The following UNC5C variants were observed in gnomAD, a reference collection of about 807,000 sequenced individuals.
UNC5C encodes the protein unc-5 netrin receptor C.
UNC5C carries 47 observed loss-of-function variants against 99.8 expected under a neutral mutation model. That is an observed-to-expected ratio of 0.47 (90% CI 0.37 to 0.60). The LOEUF (loss-of-function observed/expected upper bound fraction) is 0.60, where lower values mean the gene tolerates loss of function less well. Ranked by LOEUF, UNC5C falls within the 20% of genes least tolerant of loss-of-function variation. The pLI, the probability that UNC5C is intolerant of heterozygous loss-of-function variation, is 0.00. For missense variants in UNC5C, 1,062 were observed against 1,165.9 expected (o/e 0.91, Z 1.30); for synonymous variants, 487 against 452.2 (o/e 1.08, Z -0.98).
At chr4:95,204,409 A>T (rs1737798866) in intron 11 of UNC5C, among the ~76,000 whole-genome samples, 1 of 152,178 alleles carries the variant, frequency 6.6e-6, no homozygotes, top group Admixed American at 6.5e-5. Flanking sequence ...GCCACAGACA[A>T]GGAGGAATGA....
At chr4:95,388,467 A>G (rs1301902469) in intron 1 of UNC5C, among the ~76,000 whole-genome samples, 2 of 152,194 alleles carry the variant, frequency 1.3e-5, no homozygotes, top group Non-Finnish European at 2.9e-5. Context: ...CCCTAATTAA[A>G]AACAACAACA....
At chr4:95,194,404 CTG>C (rs999836154) in intron 12 of UNC5C, among the ~76,000 whole-genome samples, 1 of 152,130 alleles carries the variant, frequency 6.6e-6, no homozygotes, top group African/African-American at 2.4e-5. Flanking sequence ...ATAACACAAA[CTG>C]ATTATCTCAC....
chr4:95,261,970 T>TG, intron 4 of UNC5C, among the ~76,000 whole-genome samples: 1 of 152,300 alleles, frequency 6.6e-6, no homozygotes, highest in South Asian at 2.1e-4. Context: ...CCCAAAGTGC[T>TG]GGATTACAGG....
chr4:95,169,180 G>A lies in UNC5C; in HGVS notation c.*54C>T, dbSNP rs1333064866. The stretch of plus-strand genomic sequence containing the variant: ...CTCCTCAGCTGTGATTCACCTGGAC[G>A]GCCACAGACTCCCTGTGCATTTTTG... On this transcript the variant is annotated 3_prime_UTR_variant, in exon 16 of 16. Coordinates refer to ENST00000453304, the MANE Select transcript of UNC5C (RefSeq NM_003728.4). 8.8e-6 allele frequency: 14 copies of A among 1,597,866 alleles called. No homozygotes were observed. The highest frequency in any genetic ancestry group is 5.6e-5 in the South Asian group (5 of 88,936).
At chr4:95,329,155 G>A (rs1204192131) in intron 2 of UNC5C, among the ~76,000 whole-genome samples, 1 of 152,090 alleles carries the variant, frequency 6.6e-6, no homozygotes, top group Non-Finnish European at 1.5e-5. Context: ...GTCAGGCATG[G>A]TGGTGTGCCT....
At chr4:95,207,593 G>C (rs569085267) in intron 10 of UNC5C, among the ~76,000 whole-genome samples, 49 of 152,274 alleles carry the variant, frequency 3.2e-4, no homozygotes, top group Non-Finnish European at 6.0e-4. Flanking sequence ...TCACAACTAA[G>C]TGCTAGTTAG....
At chr4:95,215,067 G>T (rs1290631195) in intron 10 of UNC5C, among the ~76,000 whole-genome samples, 1 of 152,146 alleles carries the variant, frequency 6.6e-6, no homozygotes, top group East Asian at 1.9e-4. Flanking sequence ...AAAATGTTCT[G>T]GGTCACACCA....
chr4:95,322,828 C>T (rs1415569831), intron 2 of UNC5C, among the ~76,000 whole-genome samples: 6 of 151,024 alleles, frequency 4.0e-5, no homozygotes, highest in African/African-American at 1.5e-4. Context: ...GTCCCAGCTA[C>T]TTTTTAGGCT....
At chr4:95,498,254 T>C (rs1352707877) in intron 1 of UNC5C, among the ~76,000 whole-genome samples, 3 of 152,050 alleles carry the variant, frequency 2.0e-5, no homozygotes, top group Non-Finnish European at 2.9e-5. Context: ...GTTGTTTTAT[T>C]CAGCCCCATG....
intron 1 of UNC5C, among the ~76,000 whole-genome samples, chr4:95,346,770 A>C (rs1743788794): frequency 6.6e-6 from 1 of 152,024 alleles, no homozygotes; most frequent in African/African-American, 2.4e-5. Context: ...ATACCTCACC[A>C]CACTAAAAGT....
At position 95,316,241 on chromosome 4, in the gene UNC5C, G is replaced by A. The variant is rs533170099; in HGVS notation, c.347-14492C>T. Among the ~76,000 whole-genome samples, 3 of 152,248 alleles carry A rather than the reference G, an allele frequency of 2.0e-5. No individual in the cohort carries two copies. The East Asian group carries it at 5.8e-4, about 29-fold the overall frequency. On this transcript the variant is annotated intron_variant, in intron 2 of 15. Coordinates refer to ENST00000453304, the MANE Select transcript of UNC5C (RefSeq NM_003728.4). ...GGAGCCTGGTTTATTACTCTTAAAT[G>A]GGTACATGATAGATCAAAATAAATG...
chr4:95,335,270 T>C (rs528969409), intron 2 of UNC5C, 140 bp downstream of exon 2: 11 of 791,338 alleles, frequency 1.4e-5, no homozygotes, highest in Middle Eastern at 3.8e-4. Context: ...TCACCAAACC[T>C]TAACCAAACC....
At chr4:95,309,143 T>C (rs1742177981) in intron 2 of UNC5C, among the ~76,000 whole-genome samples, 1 of 152,136 alleles carries the variant, frequency 6.6e-6, no homozygotes, top group Admixed American at 6.6e-5. Flanking sequence ...TTATGGTCAA[T>C]TGATTTTTGA....
chr4:95,277,228 A>G (rs560928312), intron 4 of UNC5C, among the ~76,000 whole-genome samples: 23 of 152,336 alleles, frequency 1.5e-4, no homozygotes, highest in East Asian at 1.9e-4. Flanking sequence ...CATTGAACCC[A>G]TATATAGGTC....
intron 7 of UNC5C, among the ~76,000 whole-genome samples, chr4:95,227,931 C>T (rs1412544910): frequency 6.6e-6 from 1 of 152,124 alleles, no homozygotes; most frequent in Admixed American, 6.5e-5. Flanking sequence ...TTCTAATTTG[C>T]ACAAGGTCAT....
In UNC5C at chr4:95,206,759, C is replaced by A. The variant is rs1737893256; in HGVS notation, c.1771G>T (p.Val591Leu). Reference sequence around the variant, plus strand: ...GCTCCTGGGGGCCCACAGCTCACCACAGGGGTCAAAAGTGTCTGAGAGTCA... The same window carrying A: ...GCTCCTGGGGGCCCACAGCTCACCAAAGGGGTCAAAAGTGTCTGAGAGTCA... ...MDDSQTLLTP[V>L]VSCGPPGALL... Residue 591 changes from valine to leucine, a missense_variant, in exon 11 of 16, where the codon GTG becomes TTG. Around this residue, in one of 3 missense-constraint regions of UNC5C, gnomAD observed 810 missense variants for 854.5 expected, o/e 0.95. Transcript: ENST00000453304. 6.2e-7 allele frequency: 1 copy of A among 1,612,784 alleles called. No individual in the cohort carries two copies. The highest frequency in any genetic ancestry group is 1.1e-5 in the South Asian group (1 of 90,912).
At chr4:95,267,645 G>A (rs1288815061) in intron 4 of UNC5C, among the ~76,000 whole-genome samples, 2 of 152,198 alleles carry the variant, frequency 1.3e-5, no homozygotes, top group South Asian at 2.1e-4. Flanking sequence ...TCTTCAAGAA[G>A]ACTAATGTGT....
At chr4:95,419,745 A>G (rs1312955720) in intron 1 of UNC5C, among the ~76,000 whole-genome samples, 1 of 152,112 alleles carries the variant, frequency 6.6e-6, no homozygotes, top group South Asian at 2.1e-4. Context: ...CAAGGAATCC[A>G]TTTATAGACT....
chr4:95,202,597 C>T (rs1737719283), intron 12 of UNC5C, 134 bp downstream of exon 12: 1 of 797,924 alleles, frequency 1.3e-6, no homozygotes, highest in African/African-American at 1.7e-5. Flanking sequence ...TTTTTAAGTG[C>T]ATCCTTTTGG....
Sources: allele counts gnomAD v4.1 joint callset (sites outside exome capture counted in the v4.1 genomes callset), GRCh38; gene constraint gnomAD v4.1.1; regional missense constraint gnomAD v4.1.1; transcripts MANE v1.5; gene names NCBI Gene and HGNC (gene_info 2026-07-23, HGNC 2026-07-21).